GOLGA3: variants seen among roughly 807,000 people sequenced by gnomAD.
GOLGA3 encodes golgin subfamily A member 3.
A neutral mutation model predicts 169.4 loss-of-function variants in GOLGA3; 75 were observed. The observed-to-expected ratio is 0.44, with a 90% confidence interval of 0.37 to 0.54. GOLGA3 has a LOEUF of 0.54. GOLGA3 is among the 20% of genes least tolerant of loss of function. GOLGA3 has a pLI of 0.00. For synonymous variants in GOLGA3, 824 were observed against 822.4 expected, an observed-to-expected ratio of 1.00 and a Z score of -0.03; for missense variants, 1,899 against 1,930.0, an observed-to-expected ratio of 0.98 and a Z score of 0.30.
At chr12:132,774,663 T>A (rs1490496273) in intron 22 of GOLGA3, 6 of 400,354 alleles carry the variant, frequency 1.5e-5, no homozygotes, top group Non-Finnish European at 1.8e-5. Context: ...CGTAAGAAAT[T>A]AAGTAAGTTT....
At chr12:132,793,061 C>T (rs1258334542) in intron 11 of GOLGA3, among the ~76,000 whole-genome samples, 1 of 36,036 alleles carries the variant, frequency 2.8e-5, no homozygotes, top group African/African-American at 1.0e-4. Context: ...GGGACCCGCA[C>T]TCGGAGGGCT....
intron 18 of GOLGA3, among the ~76,000 whole-genome samples, chr12:132,779,610 G>A (rs1262252775): frequency 6.6e-6 from 1 of 152,186 alleles, no homozygotes; most frequent in East Asian, 1.9e-4. Context: ...GGGATTTAAA[G>A]GAAAAGTGAT....
chr12:132,780,099 TTGCACGCA>T (rs2045499575), intron 18 of GOLGA3, among the ~76,000 whole-genome samples: 4 of 94,702 alleles, frequency 4.2e-5, no homozygotes, highest in Admixed American at 3.6e-4. Context: ...GACATCACAC[TTGCACGCA>T]CAGCCCCCCG....
intron 21 of GOLGA3, among the ~76,000 whole-genome samples, chr12:132,776,012 G>A (rs987022025): frequency 6.6e-5 from 10 of 152,240 alleles, no homozygotes; most frequent in Non-Finnish European, 1.0e-4. Context: ...GCCGCATGAC[G>A]TGGACCAGGT....
Position 132,796,621 on chromosome 12 carries a change from C to G in GOLGA3, c.2018G>C (p.Arg673Thr), listed in dbSNP as rs1169457962. 1 of 1,614,120 alleles carries G rather than the reference C, an allele frequency of 6.2e-7. No homozygotes were observed. The highest frequency in any genetic ancestry group is 8.5e-7 in the Non-Finnish European group (1 of 1,180,006). Residue 673 changes from arginine to threonine, a missense_variant, in exon 10 of 24, where the codon AGG becomes ACG. Physicochemically the swap from Arg to Thr is moderately conservative, Grantham distance 71. Coordinates refer to ENST00000450791, the MANE Select transcript of GOLGA3 (RefSeq NM_001389683.1). ...KTMVEEDLQRRLEEFEGERER... is the reference protein window; with the variant it reads ...KTMVEEDLQRTLEEFEGERER... ...CCTCTCACCTTCAAACTCTTCCAGC[C>G]TCCTCTGAAGGTCCTCCTCCACCAT... is the stretch of plus-strand genomic sequence containing the variant.
chr12:132,806,104 A>T (rs1163208873), intron 6 of GOLGA3, among the ~76,000 whole-genome samples: 1 of 152,204 alleles, frequency 6.6e-6, no homozygotes, highest in East Asian at 1.9e-4. Context: ...TCCAGTTCAC[A>T]CATCACCAAG....
At chr12:132,824,587 A>C (rs929281815) in intron 1 of GOLGA3, among the ~76,000 whole-genome samples, 1 of 152,218 alleles carries the variant, frequency 6.6e-6, no homozygotes, top group Non-Finnish European at 1.5e-5. Context: ...AAAAATATTT[A>C]AAGATTAAAG....
chr12:132,782,211 C>G, intron 17 of GOLGA3, 85 bp downstream of exon 17: 1 of 1,255,732 alleles, frequency 8.0e-7, no homozygotes, highest in Non-Finnish European at 1.2e-6. Flanking sequence ...GCACAGGTGA[C>G]TGAATCTGGA....
intron 1 of GOLGA3, chr12:132,827,483 G>A (rs1950470461): frequency 6.6e-6 from 1 of 152,118 alleles, no homozygotes; most frequent in Non-Finnish European, 1.5e-5. Flanking sequence ...AATTTTGCCA[G>A]GATTAAATAT....
rs539771004 is a variant in GOLGA3, at chr12:132,810,075, G to A, written c.520-1526C>T. Among the ~76,000 whole-genome samples the A allele has an allele frequency of 5.3e-5, 8 of 152,104 alleles. No individual in the cohort carries two copies. In the South Asian group the frequency reaches 1.0e-3, roughly 20 times the overall value. ...GGCTGGCCAACATGTTGAAACCCCCGTCTCTACTAAAAATACAAAAAAATG... is the reference window on the plus strand; with the variant it reads ...GGCTGGCCAACATGTTGAAACCCCCATCTCTACTAAAAATACAAAAAAATG... On this transcript the variant is annotated intron_variant, in intron 4 of 23. Coordinates refer to ENST00000450791, the MANE Select transcript of GOLGA3 (RefSeq NM_001389683.1).
chr12:132,788,812 G>A (rs556625434), intron 13 of GOLGA3, among the ~76,000 whole-genome samples: 40 of 152,190 alleles, frequency 2.6e-4, no homozygotes, highest in South Asian at 1.5e-3. Flanking sequence ...AGGCCTCACC[G>A]GACTGCCCCT....
intron 7 of GOLGA3, among the ~76,000 whole-genome samples, chr12:132,802,657 T>A (rs1381776297): frequency 6.6e-6 from 1 of 151,284 alleles, no homozygotes; most frequent in Non-Finnish European, 1.5e-5. Flanking sequence ...AAAAGAAAAT[T>A]TAAAAAAATA....
chr12:132,790,158 C>T (rs954038446), intron 12 of GOLGA3, among the ~76,000 whole-genome samples: 5 of 151,792 alleles, frequency 3.3e-5, no homozygotes, highest in African/African-American at 1.2e-4. Flanking sequence ...GGTGAAACCC[C>T]GTCTCTACTA....
chr12:132,779,432 C>T (rs1467384223), intron 18 of GOLGA3, among the ~76,000 whole-genome samples: 1 of 152,066 alleles, frequency 6.6e-6, no homozygotes, highest in African/African-American at 2.4e-5. Flanking sequence ...GTTGTTTCAC[C>T]CCTTAAAAAA....
At position 132,813,673 on chromosome 12, in the gene GOLGA3, C is replaced by T. The variant is rs374160568; in HGVS notation, c.407-254G>A. On this transcript the variant is annotated intron_variant, in intron 3 of 23. Transcript: ENST00000450791. ...GGTCTGTGATCCCATGATGAGTACA[C>T]CCCACCTGGGGCATTCCCCTGGTAA... 4.0e-5 allele frequency among the ~76,000 whole-genome samples: 6 copies of T among 151,816 alleles called. No homozygotes were observed. The East Asian group carries it at 1.2e-3, about 29-fold the overall frequency.
At chr12:132,779,370 C>T (rs963477090) in intron 18 of GOLGA3, among the ~76,000 whole-genome samples, 6 of 152,162 alleles carry the variant, frequency 3.9e-5, no homozygotes, top group Non-Finnish European at 5.9e-5. Flanking sequence ...TGAGCCACCG[C>T]GCCCAGCCAC....
rs759938690 is a variant in GOLGA3 at position 132,776,956 on chromosome 12, A to G, written c.3855+2T>C. The G allele has an allele frequency of 1.3e-6, 2 of 1,580,564 alleles. No homozygotes were observed. The highest frequency in any genetic ancestry group is 1.7e-6 in the Non-Finnish European group (2 of 1,163,570). On this transcript the variant is annotated splice_donor_variant, in intron 20 of 23. Transcript: ENST00000450791. LOFTEE classifies it high-confidence loss of function. ...GCAAGTCCAGCCCCCGTGAACCGTC[A>G]CCTCTTGGTTTCCCACGGGCTGTTT...
intron 12 of GOLGA3, 125 bp from the exon 13 acceptor site, chr12:132,789,415 G>A (rs2046105444): frequency 1.3e-6 from 1 of 758,398 alleles, no homozygotes; most frequent in Admixed American, 3.0e-5. Flanking sequence ...TTGAGGTAAA[G>A]ATACATTTCA....
intron 1 of GOLGA3, among the ~76,000 whole-genome samples, chr12:132,823,192 TG>T (rs1457100101): frequency 6.6e-6 from 1 of 152,240 alleles, no homozygotes; most frequent in Admixed American, 6.5e-5. Flanking sequence ...TACCTCTAGC[TG>T]GGTTAGCTCT....
Sources: allele counts gnomAD v4.1 joint callset (sites outside exome capture counted in the v4.1 genomes callset), GRCh38; gene constraint gnomAD v4.1.1; transcripts MANE v1.5; gene names NCBI Gene and HGNC (gene_info 2026-07-23, HGNC 2026-07-21).